The following HLA-DQA2 variants were observed in gnomAD, a reference collection of about 807,000 sequenced individuals.
HLA-DQA2 encodes the protein major histocompatibility complex, class II, DQ alpha 2, also known as HLA class II histocompatibility antigen, DQ alpha 2 chain.
In HLA-DQA2, 17 loss-of-function variants were observed where a neutral mutation model predicts 21.0. That is an observed-to-expected ratio of 0.81 (90% CI 0.56 to 1.22). The LOEUF (loss-of-function observed/expected upper bound fraction) is 1.22. Among genes scored for constraint, HLA-DQA2 ranks in the 50% most tolerant of loss-of-function variants. HLA-DQA2 has a pLI of 0.00. For synonymous variants in HLA-DQA2, 81 were observed against 116.5 expected (o/e 0.70, Z 1.96); for missense variants, 239 against 308.8 (o/e 0.77, Z 1.69).
intron 1 of HLA-DQA2, 148 bp from the exon 2 acceptor site, chr6:32,745,011 G>A: frequency 1.1e-6 from 1 of 873,522 alleles, no homozygotes; most frequent in Non-Finnish European, 1.8e-6. Context: ...CGTTAGGCAA[G>A]GAGGAAGCAG....
Position 32,741,473 on chromosome 6 carries a change from G to C in HLA-DQA2, c.30G>C (p.Gly10=). 6.2e-7 allele frequency: 1 copy of C among 1,614,074 alleles called. No homozygotes were observed. The highest frequency in any genetic ancestry group is 2.2e-5 in the East Asian group (1 of 44,882). Residue 10 remains glycine, a synonymous_variant, in exon 1 of 5, where the codon GGG becomes GGC. Coordinates refer to ENST00000374940, the MANE Select transcript of HLA-DQA2 (RefSeq NM_020056.5). MILNKALLL[G]ALALTAVMSP... ...TCCTAAACAAAGCTCTGCTGCTGGG[G>C]GCCCTCGCCCTGACTGCCGTGATGA...
Position 32,746,054 on chromosome 6 carries a change from C to G in HLA-DQA2, c.595C>G (p.Pro199Ala), listed in dbSNP as rs1173044541. Residue 199 changes from proline (P) to alanine (A), a missense_variant, in exon 3 of 5, where the codon CCT (proline) becomes GCT (alanine). Transcript: ENST00000374940. Reference sequence around the variant, plus strand: ...GGTGGAGCACTGGGGCCTGGACGAGCCTCTTCTGAAACACTGGGGTAAGGA... The same window carrying G: ...GGTGGAGCACTGGGGCCTGGACGAGGCTCTTCTGAAACACTGGGGTAAGGA... ...CKVEHWGLDE[P>A]LLKHWEPEIP... 1.2e-6 allele frequency: 2 copies of G among 1,611,200 alleles called. No individual in the cohort carries two copies. Among genetic ancestry groups the G allele is most frequent in the East Asian group, 2.2e-5 (1 of 44,850 alleles).
In HLA-DQA2 at chr6:32,746,357, G is replaced by T. The variant is rs145449397; in HGVS notation, c.731G>T (p.Arg244Leu). 1.2e-6 allele frequency: 2 copies of T among 1,613,046 alleles called. No individual in the cohort carries two copies. Among genetic ancestry groups the T allele is most frequent in the Admixed American group, 1.7e-5 (1 of 60,024 alleles). ...ACTGTCTTCATCATCCAAGGCCTGCGTTCAGTTGGTGCTTCCAGACACCAA... is the reference window on the plus strand; with the variant it reads ...ACTGTCTTCATCATCCAAGGCCTGCTTTCAGTTGGTGCTTCCAGACACCAA... ...VGTVFIIQGL[R>L]SVGASRHQGL... Residue 244 changes from arginine to leucine, a missense_variant, in exon 4 of 5, where the codon CGT (arginine) becomes CTT (leucine). By Grantham distance (102) the Arg-to-Leu change is moderately radical (BLOSUM62 -2). Transcript: ENST00000374940.
In HLA-DQA2 at chr6:32,741,402, A is replaced by G. The variant is rs9276400; in HGVS notation, c.-42A>G. ...GTCTCGAGGTCCTCACAATTGCTCT[A>G]CAGCTCAGAGCAGCAACTGCTGAGG... On this transcript the variant is annotated 5_prime_UTR_variant, in exon 1 of 5. Coordinates refer to ENST00000374940, the MANE Select transcript of HLA-DQA2 (RefSeq NM_020056.5). The G allele has an allele frequency of 0.14, 220,153 of 1,587,924 alleles. 13,166 individuals are homozygous for G. Among genetic ancestry groups the G allele is most frequent in the South Asian group, 0.2 (17,772 of 88,916 alleles).
chr6:32,741,594 A>G (rs1763219690), intron 1 of HLA-DQA2, 69 bp downstream of exon 1: 1 of 1,051,676 alleles, frequency 9.5e-7, no homozygotes, highest in Non-Finnish European at 1.3e-6. Context: ...GAGAGAGTGT[A>G]ATTTGCTAAG....
At chr6:32,744,554 ATTGT>A (rs1763430523) in intron 1 of HLA-DQA2, among the ~76,000 whole-genome samples, 1 of 152,174 alleles carries the variant, frequency 6.6e-6, no homozygotes, top group Non-Finnish European at 1.5e-5. Context: ...CCTTAGAAGA[ATTGT>A]TTATTTGTTA....
chr6:32,746,704 A>ACTTTTTTTTT lies in HLA-DQA2; in HGVS notation c.*146_*147insTTTTTTTCTT, dbSNP rs1763624538. ...TTTCTTCTCTCACCTCTTCTCTGGG[A>ACTTTTTTTTT]CTTAAGGTGCTATATTCCCTCAGAG... On this transcript the variant is annotated 3_prime_UTR_variant, in exon 5 of 5. Coordinates refer to ENST00000374940, the MANE Select transcript of HLA-DQA2 (RefSeq NM_020056.5). The ACTTTTTTTTT allele has an allele frequency of 5.4e-5, 32 of 593,402 alleles. No individual in the cohort carries two copies. Among genetic ancestry groups the ACTTTTTTTTT allele is most frequent in the Admixed American group, 1.5e-4 (7 of 45,280 alleles). The allele number at this position is 593,402 out of a possible 1,614,324, so 36.8% of individuals were successfully genotyped here.
At position 32,746,838 on chromosome 6, in the gene HLA-DQA2, TCCTCAATGA is replaced by T. The variant is rs890074507; in HGVS notation, c.*281_*289del. ...TGGGTAAGCCACTCAGCTACCTAATTCCTCAATGACCTTTATCTAAAATCTCCATGGAAG... is the reference window on the plus strand; with the variant it reads ...TGGGTAAGCCACTCAGCTACCTAATTCCTTTATCTAAAATCTCCATGGAAG... On this transcript the variant is annotated 3_prime_UTR_variant, in exon 5 of 5. Transcript: ENST00000374940. The T allele has an allele frequency of 2.7e-6, 1 of 365,250 alleles. No homozygotes were observed. Among genetic ancestry groups the T allele is most frequent in the African/African-American group, 2.1e-5 (1 of 47,090 alleles). 22.6% of individuals were successfully genotyped at this position (365,250 alleles called of 1,614,324 possible).
At chr6:32,745,758 A>G (rs1393484000) in intron 2 of HLA-DQA2, 33 bp from the exon 3 acceptor site, 1 of 1,612,654 alleles carries the variant, frequency 6.2e-7, no homozygotes, top group African/African-American at 1.3e-5. Context: ...AGAGCTATTC[A>G]CACTTCACAT....
chr6:32,745,179 G>A lies in HLA-DQA2; in HGVS notation c.103G>A (p.Gly35Ser), dbSNP rs1763476786. ...DIVADHVASY[G>S]VNFYQSHGPS... Reference sequence around the variant, plus strand: ...GTCAGCTGACCATGTTGCCTCCTATGGTGTGAACTTCTACCAGTCTCACGG... The same window carrying A: ...GTCAGCTGACCATGTTGCCTCCTATAGTGTGAACTTCTACCAGTCTCACGG... The change falls in exon 2 of 5, where the codon GGT (glycine) becomes AGT (serine). Residue 35 changes from glycine (G) to serine (S), a missense_variant. Transcript: ENST00000374940. The A allele has an allele frequency of 1.9e-6, 3 of 1,614,050 alleles. No individual in the cohort carries two copies. Among genetic ancestry groups the A allele is most frequent in the Non-Finnish European group, 1.7e-6 (2 of 1,179,982 alleles).
intron 1 of HLA-DQA2, among the ~76,000 whole-genome samples, chr6:32,742,190 A>G (rs926209837): frequency 3.3e-5 from 5 of 152,232 alleles, no homozygotes; most frequent in Non-Finnish European, 5.9e-5. Context: ...AAAAACATGA[A>G]TGTCAACTTT....
chr6:32,746,974 C>T lies in HLA-DQA2; in HGVS notation c.*413C>T. ...AATGGGCGACTCTTATGTTTTAGGC[C>T]AATTTCATATCATTCCCCAGATCAT... On this transcript the variant is annotated 3_prime_UTR_variant, in exon 5 of 5. Transcript: ENST00000374940. 1 of 281,322 alleles carries T rather than the reference C, an allele frequency of 3.6e-6. No individual in the cohort carries two copies. The highest frequency in any genetic ancestry group is 7.0e-6 in the Non-Finnish European group (1 of 143,724). The allele number at this position is 281,322 out of a possible 1,614,324, so 17.4% of individuals were successfully genotyped here.
intron 1 of HLA-DQA2, among the ~76,000 whole-genome samples, chr6:32,742,817 C>G (rs9276414): frequency 0.57 from 85,548 of 150,998 alleles, 25,092 homozygotes; most frequent in East Asian, 0.85. Flanking sequence ...GTTTTAACTC[C>G]TTTTAAAATT....
Position 32,746,783 on chromosome 6 carries a change from T to A in HLA-DQA2, c.*222T>A, listed in dbSNP as rs1334216633. On this transcript the variant is annotated 3_prime_UTR_variant, in exon 5 of 5. Transcript: ENST00000374940. The stretch of plus-strand genomic sequence containing the variant: ...GACCTCCTTTCCTGAATTTTTTTAT[T>A]TTCTCAAATGTTACCTACTAAGGGA... 2.3e-6 allele frequency: 1 copy of A among 433,138 alleles called. No homozygotes were observed. The highest frequency in any genetic ancestry group is 4.5e-6 in the Non-Finnish European group (1 of 224,114). 26.8% of individuals were successfully genotyped at this position (433,138 alleles called of 1,614,324 possible). A position where few individuals can be genotyped will look rare whatever the true frequency, so the allele number is the denominator to read the frequency against.
At chr6:32,746,485 T>C in intron 4 of HLA-DQA2, 71 bp downstream of exon 4, 3 of 1,566,400 alleles carry the variant, frequency 1.9e-6, no homozygotes, top group South Asian at 1.1e-5. Context: ...GTTGTGGACA[T>C]GAATGTGGTT....
intron 1 of HLA-DQA2, among the ~76,000 whole-genome samples, chr6:32,741,735 G>A (rs904183198): frequency 2.0e-5 from 3 of 152,124 alleles, no homozygotes; most frequent in East Asian, 1.9e-4. Flanking sequence ...TACCAAGGAC[G>A]TTGTTCTGTT....
rs770213156 is a variant in HLA-DQA2 at position 32,746,361 on chromosome 6, AG to A, written c.736del (p.Val246LeufsTer31). 6.2e-7 allele frequency: 1 copy of A among 1,613,048 alleles called. No homozygotes were observed. The highest frequency in any genetic ancestry group is 2.2e-5 in the East Asian group (1 of 44,880). On this transcript the variant is annotated frameshift_variant, in exon 4 of 5. Coordinates refer to ENST00000374940, the MANE Select transcript of HLA-DQA2 (RefSeq NM_020056.5). LOFTEE classifies it high-confidence loss of function. ...TVFIIQGLRS[V>X]GASRHQGLL is the part of the protein sequence containing the mutation. The stretch of plus-strand genomic sequence containing the variant: ...TCTTCATCATCCAAGGCCTGCGTTC[AG>A]TTGGTGCTTCCAGACACCAAGGGCT...
chr6:32,742,723 G>A (rs868678134), intron 1 of HLA-DQA2, among the ~76,000 whole-genome samples: 7 of 152,002 alleles, frequency 4.6e-5, no homozygotes, highest in African/African-American at 1.7e-4. Context: ...TCACACCAGA[G>A]TGCCCCGGTC....
Position 32,746,277 on chromosome 6 carries a change from G to T in HLA-DQA2, c.651G>T (p.Glu217Asp), listed in dbSNP as rs773750705. 1 of 1,613,112 alleles carries T rather than the reference G, an allele frequency of 6.2e-7. No individual in the cohort carries two copies. The highest frequency in any genetic ancestry group is 8.5e-7 in the Non-Finnish European group (1 of 1,180,044). Residue 217 changes from glutamate (E) to aspartate (D), a missense_variant, in exon 4 of 5, where the codon GAG becomes GAT. Glu to Asp is a conservative substitution (Grantham distance 45). Coordinates refer to ENST00000374940, the MANE Select transcript of HLA-DQA2 (RefSeq NM_020056.5). ...CAGCCCCTATGTCAGAGCTCACAGA[G>T]ACTTTGGTCTGCGCCCTGGGGTTGT... ...EIPAPMSELT[E>D]TLVCALGLSV...
Sources: gnomAD v4.1 joint callset for allele counts (sites outside exome capture counted in the v4.1 genomes callset) on GRCh38, gnomAD v4.1.1 for gene constraint, MANE v1.5 for transcripts, NCBI Gene and HGNC (gene_info 2026-07-23, HGNC 2026-07-21) for gene names.